Variants in ERC1 observed in about 807,000 individuals in gnomAD.
ERC1 encodes the protein ELKS/RAB6-interacting/CAST family member 1.
Under a neutral mutation model 132.0 loss-of-function variants are expected in ERC1, and 56 were observed. The ratio of observed to expected loss-of-function variants is 0.42; its 90% confidence interval spans 0.34 to 0.53. The LOEUF is 0.53. Among genes scored for constraint, ERC1 ranks in the 20% least tolerant of loss-of-function variants. The pLI is 0.03. For synonymous variants in ERC1, 478 were observed against 476.1 expected, an observed-to-expected ratio of 1.00 and a Z score of -0.05; for missense variants, 1,202 against 1,349.9, an observed-to-expected ratio of 0.89 and a Z score of 1.72.
At chr12:1,181,872 T>A (rs1954512097) in intron 9 of ERC1, 53 bp from the exon 10 acceptor site, 1 of 1,548,558 alleles carries the variant, frequency 6.5e-7, no homozygotes, top group Non-Finnish European at 8.7e-7. Flanking sequence ...AGAATTACAG[T>A]CATATAAGTG....
At chr12:1,255,622 T>C (rs1298722840) in intron 13 of ERC1, among the ~76,000 whole-genome samples, 1 of 75,068 alleles carries the variant, frequency 1.3e-5, no homozygotes, top group Non-Finnish European at 2.6e-5. Context: ...CTTCCTGGCC[T>C]TTTTTTTTTT....
intron 12 of ERC1, among the ~76,000 whole-genome samples, chr12:1,226,630 T>C (rs898926065): frequency 1.3e-5 from 2 of 152,244 alleles, no homozygotes; most frequent in Non-Finnish European, 2.9e-5. Flanking sequence ...CTCTGAGTTC[T>C]GTGAATTTGA....
chr12:1,041,471 T>TCCCTGCTCA (rs1416909551), intron 2 of ERC1, among the ~76,000 whole-genome samples: 15 of 152,166 alleles, frequency 9.9e-5, no homozygotes, highest in African/African-American at 3.6e-4. Flanking sequence ...CCTCCCAAAG[T>TCCCTGCTCA]GCTGGGATTA....
chr12:1,338,697 C>T (rs1294948999), intron 15 of ERC1, among the ~76,000 whole-genome samples: 2 of 152,064 alleles, frequency 1.3e-5, no homozygotes, highest in Non-Finnish European at 2.9e-5. Context: ...AACTTGCTGA[C>T]CTTTGGATAG....
chr12:1,268,968 G>C (rs929902662), intron 14 of ERC1, among the ~76,000 whole-genome samples: 1 of 152,194 alleles, frequency 6.6e-6, no homozygotes, highest in African/African-American at 2.4e-5. Flanking sequence ...GTACAGGTGT[G>C]CACAGTCAGA....
intron 1 of ERC1, among the ~76,000 whole-genome samples, chr12:1,018,986 A>G (rs921971172): frequency 2.0e-5 from 3 of 152,202 alleles, no homozygotes; most frequent in Non-Finnish European, 4.4e-5. Flanking sequence ...AACCAGAGAC[A>G]GCTTGGTATT....
intron 2 of ERC1, among the ~76,000 whole-genome samples, chr12:1,071,375 T>C (rs1239426521): frequency 1.3e-5 from 2 of 152,190 alleles, no homozygotes; most frequent in East Asian, 1.9e-4. Context: ...TGTAGTGATA[T>C]CTTATTGTGG....
At chr12:1,053,579 A>C (rs148312744) in intron 2 of ERC1, among the ~76,000 whole-genome samples, 1 of 152,200 alleles carries the variant, frequency 6.6e-6, no homozygotes, top group African/African-American at 2.4e-5. Flanking sequence ...TATAGCTTCA[A>C]TTGTCCTCCC....
chr12:1,023,736 G>A (rs1219776971), intron 1 of ERC1, among the ~76,000 whole-genome samples: 1 of 152,176 alleles, frequency 6.6e-6, no homozygotes, highest in Non-Finnish European at 1.5e-5. Flanking sequence ...AAAGAAGGAG[G>A]AGGGTTAGAA....
intron 16 of ERC1, among the ~76,000 whole-genome samples, chr12:1,398,480 T>C (rs2090734088): frequency 6.6e-6 from 1 of 152,232 alleles, no homozygotes; most frequent in Admixed American, 6.5e-5. Flanking sequence ...TCTTCAAGAC[T>C]GAGATCTGTA....
At chr12:1,489,524 A>G (rs1041826481) in intron 18 of ERC1, among the ~76,000 whole-genome samples, 2 of 152,238 alleles carry the variant, frequency 1.3e-5, no homozygotes, top group Non-Finnish European at 2.9e-5. Flanking sequence ...GTTGGTTAAA[A>G]TGCTTGAAGG....
intron 12 of ERC1, among the ~76,000 whole-genome samples, chr12:1,223,605 AACT>A (rs745999489): frequency 4.6e-5 from 7 of 152,326 alleles, no homozygotes; most frequent in Non-Finnish European, 8.8e-5. Flanking sequence ...GTAAAAATTC[AACT>A]ACTATTTTCT....
intron 12 of ERC1, among the ~76,000 whole-genome samples, chr12:1,214,464 T>C (rs1237048168): frequency 6.6e-6 from 1 of 152,174 alleles, no homozygotes; most frequent in Non-Finnish European, 1.5e-5. Context: ...ATATTTAGCA[T>C]AGCGCTAGAG....
chr12:1,260,674 C>T (rs749133974), intron 13 of ERC1, among the ~76,000 whole-genome samples: 2 of 152,136 alleles, frequency 1.3e-5, no homozygotes, highest in Non-Finnish European at 2.9e-5. Context: ...TTTACCCACT[C>T]GATAGATTAA....
rs1351781939 is a variant in ERC1, at chr12:1,432,023, C to T, written c.3025-12539C>T. ...CCTCCTGAGTAACTGGGACTATTGG[C>T]ATGCACCACCTTACCCTGCTGACTT... On this transcript the variant is annotated intron_variant, in intron 17 of 18. Coordinates refer to ENST00000360905, the MANE Select transcript of ERC1 (RefSeq NM_178040.4). Among the ~76,000 whole-genome samples, 3 of 152,182 alleles carry T rather than the reference C, an allele frequency of 2.0e-5. No homozygotes were observed. The East Asian group carries it at 5.8e-4, about 29-fold the overall frequency.
chr12:1,320,439 C>G (rs2082037293), intron 15 of ERC1, among the ~76,000 whole-genome samples: 1 of 152,162 alleles, frequency 6.6e-6, no homozygotes, highest in Non-Finnish European at 1.5e-5. Flanking sequence ...ATTACTCACC[C>G]TTTTCTTTCC....
At chr12:1,092,696 C>T (rs1255932025) in intron 3 of ERC1, among the ~76,000 whole-genome samples, 1 of 152,246 alleles carries the variant, frequency 6.6e-6, no homozygotes, top group Non-Finnish European at 1.5e-5. Flanking sequence ...TGCAATGGCT[C>T]ACGTCTGTAA....
intron 1 of ERC1, among the ~76,000 whole-genome samples, chr12:1,021,341 C>T (rs553938794): frequency 4.6e-5 from 7 of 152,058 alleles, no homozygotes; most frequent in African/African-American, 9.7e-5. Context: ...GTGTTTGCAG[C>T]GGGCCACTTT....
chr12:1,098,579 G>A (rs1944317943), intron 3 of ERC1, among the ~76,000 whole-genome samples: 1 of 152,258 alleles, frequency 6.6e-6, no homozygotes, highest in South Asian at 2.1e-4. Context: ...CACTGGAATG[G>A]CAGTGCCATT....
Sources: gnomAD v4.1 joint callset for allele counts (sites outside exome capture counted in the v4.1 genomes callset) on GRCh38, gnomAD v4.1.1 for gene constraint, MANE v1.5 for transcripts, NCBI Gene and HGNC (gene_info 2026-07-23, HGNC 2026-07-21) for gene names.